The following RRAGA variants were observed in gnomAD, a reference collection of about 807,000 sequenced individuals.
The protein encoded by RRAGA is Ras related GTP binding A.
RRAGA carries 11 observed loss-of-function variants against 20.5 expected under a neutral mutation model. The observed-to-expected ratio is 0.54, with a 90% CI of 0.34 to 0.89. The LOEUF (loss-of-function observed/expected upper bound fraction) is 0.89. Ranked by LOEUF, RRAGA falls within the 40% of genes least tolerant of loss-of-function variation. The pLI is 0.02. For missense variants in RRAGA, 214 were observed against 400.7 expected (o/e 0.53, Z 3.98); for synonymous variants, 184 against 155.4 (o/e 1.18, Z -1.37).
At position 19,050,365 on chromosome 9, in the gene RRAGA, A is replaced by T; in HGVS notation, c.706A>T (p.Lys236Ter). 6.2e-7 allele frequency: 1 copy of T among 1,614,210 alleles called. No homozygotes were observed. The highest frequency in any genetic ancestry group is 1.3e-5 in the African/African-American group (1 of 75,076). ...HRFEKISNII[K>*]QFKLSCSKLA... ...GTTTGAGAAGATCAGCAACATCATC[A>T]AACAGTTCAAGCTGAGCTGCAGTAA... is the stretch of plus-strand genomic sequence containing the variant. Residue 236 changes from lysine to a stop codon, truncating the protein, a stop_gained, in exon 1 of 1, where the codon AAA becomes TAA. Transcript: ENST00000380527. LOFTEE classifies it high-confidence loss of function.
Position 19,050,212 on chromosome 9 carries a change from C to T in RRAGA, c.553C>T (p.Gln185Ter), listed in dbSNP as rs749821854. The change falls in exon 1 of 1, where the codon CAG becomes TAG. Residue 185 changes from glutamine (Q) to a stop codon, truncating the protein, a stop_gained. Transcript: ENST00000380527. LOFTEE classifies it high-confidence loss of function. The stretch of plus-strand genomic sequence containing the variant: ...CGTCTACCAGCTGATTCCCAACGTT[C>T]AGCAGCTGGAGATGAACCTCAGGAA... ...SIVYQLIPNV[Q>*]QLEMNLRNFA... 6.2e-7 allele frequency: 1 copy of T among 1,614,112 alleles called. No individual in the cohort carries two copies. Among genetic ancestry groups the T allele is most frequent in the Admixed American group, 1.7e-5 (1 of 60,030 alleles).
chr9:19,049,538 C>A lies in RRAGA; in HGVS notation c.-122C>A. ...TTCGCGCTCTCGACTCTCCTGCCTG[C>A]CCAGCTGCGCGGCGGAGCGGAGCGA... On this transcript the variant is annotated 5_prime_UTR_variant, in exon 1 of 1. Transcript: ENST00000380527. This position sits in a 1 kb window ranked among gnomAD's most constrained non-coding sequence, Gnocchi z 5.4. 1 of 735,418 alleles carries A rather than the reference C, an allele frequency of 1.4e-6. No individual in the cohort carries two copies. Among genetic ancestry groups the A allele is most frequent in the Non-Finnish European group, 2.2e-6 (1 of 465,054 alleles). The allele number at this position is 735,418 out of a possible 1,614,324, so 45.6% of individuals were successfully genotyped here.
rs958338694 is a variant in RRAGA, at chr9:19,049,479, G to C, written c.-181G>C. 4 of 534,118 alleles carry C rather than the reference G, an allele frequency of 7.5e-6. No homozygotes were observed. Among genetic ancestry groups the C allele is most frequent in the Admixed American group, 3.8e-5 (1 of 26,326 alleles). The allele number at this position is 534,118 out of a possible 1,614,324, so 33.1% of individuals were successfully genotyped here. ...GCCGCGGGCGCTCCCATCTGAGTAA[G>C]AGCCAGCCCGTCCGCGGCCTCTCCA... On this transcript the variant is annotated 5_prime_UTR_variant, in exon 1 of 1. Transcript: ENST00000380527. The surrounding 1 kb of genome is among the most constrained non-coding windows in gnomAD (Gnocchi z 5.4).
rs754331061 is a variant in RRAGA, at chr9:19,049,638, G to C, written c.-22G>C. On this transcript the variant is annotated 5_prime_UTR_variant, in exon 1 of 1. Coordinates refer to ENST00000380527, the MANE Select transcript of RRAGA (RefSeq NM_006570.5). This position sits in a 1 kb window ranked among gnomAD's most constrained non-coding sequence, Gnocchi z 5.4. ...CGTGTAGGCCGCGCCCTCAGGCCCA[G>C]TCCGCGGTGCCCCGGCGGGTGATGC... The C allele has an allele frequency of 1.3e-6, 2 of 1,587,938 alleles. No homozygotes were observed. The highest frequency in any genetic ancestry group is 2.3e-5 in the South Asian group (2 of 88,218).
Position 19,050,057 on chromosome 9 carries a change from A to T in RRAGA, c.398A>T (p.Gln133Leu). The change falls in exon 1 of 1, where the codon CAG becomes CTG. Residue 133 changes from glutamine to leucine, a missense_variant. Gln to Leu is a moderately radical substitution (Grantham distance 113, BLOSUM62 -2). Around this residue, in one of 4 missense-constraint regions of RRAGA, gnomAD observed 88 missense variants for 169.9 expected, o/e 0.52. Transcript: ENST00000380527. ...FCLVHKMDLV[Q>L]EDQRDLIFKE... Reference sequence around the variant, plus strand: ...CTGGTGCACAAAATGGATCTGGTTCAGGAGGATCAGCGTGACCTGATTTTT... The same window carrying T: ...CTGGTGCACAAAATGGATCTGGTTCTGGAGGATCAGCGTGACCTGATTTTT... 1.9e-6 allele frequency: 3 copies of T among 1,614,144 alleles called. No individual in the cohort carries two copies. Among genetic ancestry groups the T allele is most frequent in the Non-Finnish European group, 2.5e-6 (3 of 1,180,034 alleles).
At position 19,049,616 on chromosome 9, in the gene RRAGA, G is replaced by GTAGGCCGCGCCCTCAGGCC; in HGVS notation, c.-43_-25dup. On this transcript the variant is annotated 5_prime_UTR_variant, in exon 1 of 1. Coordinates refer to ENST00000380527, the MANE Select transcript of RRAGA (RefSeq NM_006570.5). This position sits in a 1 kb window ranked among gnomAD's most constrained non-coding sequence, Gnocchi z 5.4. ...CCCGACCCCTCCCTCGGCGCTGCGT[G>GTAGGCCGCGCCCTCAGGCC]TAGGCCGCGCCCTCAGGCCCAGTCC... 6.7e-7 allele frequency: 1 copy of GTAGGCCGCGCCCTCAGGCC among 1,489,116 alleles called. No homozygotes were observed. The highest frequency in any genetic ancestry group is 9.2e-7 in the Non-Finnish European group (1 of 1,091,634). The allele number at this position is 1,489,116 out of a possible 1,614,324, so 92.2% of individuals were successfully genotyped here.
chr9:19,050,583 C>T lies in RRAGA; in HGVS notation c.924C>T (p.His308=), dbSNP rs769512003. 1 of 1,614,142 alleles carries T rather than the reference C, an allele frequency of 6.2e-7. No homozygotes were observed. The highest frequency in any genetic ancestry group is 8.5e-7 in the Non-Finnish European group (1 of 1,179,992). The change falls in exon 1 of 1, where the codon CAC becomes CAT. Residue 308 remains histidine, a synonymous_variant. Transcript: ENST00000380527. The stretch of plus-strand genomic sequence containing the variant: ...TGGAGAGAGTGGATGGCCCCAAGCA[C>T]AGTCTCCTTATGCGTTGAATATTGC... ...EKLERVDGPK[H]SLLMR
chr9:19,050,233 A>C lies in RRAGA; in HGVS notation c.574A>C (p.Arg192=), dbSNP rs551186941. 6.2e-7 allele frequency: 1 copy of C among 1,614,106 alleles called. No individual in the cohort carries two copies. Among genetic ancestry groups the C allele is most frequent in the East Asian group, 2.2e-5 (1 of 44,886 alleles). ...PNVQQLEMNL[R]NFAQIIEADE... ...CGTTCAGCAGCTGGAGATGAACCTC[A>C]GGAATTTTGCCCAAATCATTGAGGC... Residue 192 remains arginine (R), a synonymous_variant, in exon 1 of 1, where the codon AGG becomes CGG. Coordinates refer to ENST00000380527, the MANE Select transcript of RRAGA (RefSeq NM_006570.5).
At position 19,050,667 on chromosome 9, in the gene RRAGA, T is replaced by C; in HGVS notation, c.*66T>C. ...TTTTGTTTGCATCCTTTATTTTTAA[T>C]ATTCATAATGTCGTGTGCTTAAAAG... On this transcript the variant is annotated 3_prime_UTR_variant, in exon 1 of 1. Transcript: ENST00000380527. 1 of 1,462,054 alleles carries C rather than the reference T, an allele frequency of 6.8e-7. No homozygotes were observed. Among genetic ancestry groups the C allele is most frequent in the Non-Finnish European group, 9.5e-7 (1 of 1,054,546 alleles). 90.6% of individuals were successfully genotyped at this position (1,462,054 alleles called of 1,614,324 possible).
chr9:19,049,590 CCCCGA>C lies in RRAGA; in HGVS notation c.-66_-62del. 4.1e-6 allele frequency: 5 copies of C among 1,234,016 alleles called. No individual in the cohort carries two copies. Among genetic ancestry groups the C allele is most frequent in the Non-Finnish European group, 5.6e-6 (5 of 889,524 alleles). The allele number at this position is 1,234,016 out of a possible 1,614,324, so 76.4% of individuals were successfully genotyped here. ...GCGCGGCCTGCGAGTCCCCGGCAGC[CCCCGA>C]CCCCTCCCTCGGCGCTGCGTGTAGG... On this transcript the variant is annotated 5_prime_UTR_variant, in exon 1 of 1. Coordinates refer to ENST00000380527, the MANE Select transcript of RRAGA (RefSeq NM_006570.5). The surrounding 1 kb of genome is among the most constrained non-coding windows in gnomAD (Gnocchi z 5.4).
In RRAGA at chr9:19,050,805, T is replaced by A. The variant is rs1588585679; in HGVS notation, c.*204T>A. The A allele has an allele frequency of 5.5e-5, 32 of 584,846 alleles. No individual in the cohort carries two copies. The South Asian group carries it at 6.8e-4, about 12-fold the overall frequency. 36.2% of individuals were successfully genotyped at this position (584,846 alleles called of 1,614,324 possible). A position where few individuals can be genotyped will look rare whatever the true frequency, so the allele number is the denominator to read the frequency against. ...CCCAGTAGAGCTTGAAGCTGACCTT[T>A]CTGAGAAGTTGGTATGGTGTAACAC... On this transcript the variant is annotated 3_prime_UTR_variant, in exon 1 of 1. Transcript: ENST00000380527.
Position 19,050,460 on chromosome 9 carries a change from C to G in RRAGA, c.801C>G (p.Thr267=), listed in dbSNP as rs374965789. ...SNFAAFIDIF[T]SNTYVMVVMS... Reference sequence around the variant, plus strand: ...TCGCTGCTTTCATCGACATCTTCACCTCAAATACGTACGTGATGGTGGTCA... The same window carrying G: ...TCGCTGCTTTCATCGACATCTTCACGTCAAATACGTACGTGATGGTGGTCA... Residue 267 remains threonine (T), a synonymous_variant, in exon 1 of 1, where the codon ACC becomes ACG. Coordinates refer to ENST00000380527, the MANE Select transcript of RRAGA (RefSeq NM_006570.5). 1.2e-6 allele frequency: 2 copies of G among 1,614,040 alleles called. No homozygotes were observed. The highest frequency in any genetic ancestry group is 1.3e-5 in the African/African-American group (1 of 74,898).
rs527602269 is a variant in RRAGA, at chr9:19,050,274, G to A, written c.615G>A (p.Leu205=). 6.2e-7 allele frequency: 1 copy of A among 1,614,164 alleles called. No individual in the cohort carries two copies. The highest frequency in any genetic ancestry group is 1.1e-5 in the South Asian group (1 of 91,078). The change falls in exon 1 of 1, where the codon CTG becomes CTA. Residue 205 remains leucine (L), a synonymous_variant. Transcript: ENST00000380527. ...TCATTGAGGCCGATGAAGTTCTGCT[G>A]TTCGAAAGAGCTACATTCTTGGTTA... is the stretch of plus-strand genomic sequence containing the variant. ...AQIIEADEVL[L]FERATFLVIS...
In RRAGA at chr9:19,049,562, G is replaced by T; in HGVS notation, c.-98G>T. ...GCCCAGCTGCGCGGCGGAGCGGAGC[G>T]AGGCGCGGCCTGCGAGTCCCCGGCA... On this transcript the variant is annotated 5_prime_UTR_variant, in exon 1 of 1. Transcript: ENST00000380527. The surrounding 1 kb of genome is among the most constrained non-coding windows in gnomAD (Gnocchi z 5.4). The T allele has an allele frequency of 2.3e-6, 2 of 885,780 alleles. No individual in the cohort carries two copies. The highest frequency in any genetic ancestry group is 3.4e-6 in the Non-Finnish European group (2 of 593,908). 54.9% of individuals were successfully genotyped at this position (885,780 alleles called of 1,614,324 possible).
At position 19,049,778 on chromosome 9, in the gene RRAGA, G is replaced by A. The variant is rs1836315239; in HGVS notation, c.119G>A (p.Gly40Glu). The A allele has an allele frequency of 6.2e-7, 1 of 1,614,054 alleles. No individual in the cohort carries two copies. Among genetic ancestry groups the A allele is most frequent in the Non-Finnish European group, 8.5e-7 (1 of 1,180,044 alleles). ...NYIARDTRRL[G>E]ATIDVEHSHV... ...ATTGCTCGCGACACCCGGCGCCTGG[G>A]GGCCACCATTGACGTGGAACACTCC... The change falls in exon 1 of 1, where the codon GGG (glycine) becomes GAG (glutamate). Residue 40 changes from glycine to glutamate, a missense_variant. Around this residue, in one of 4 missense-constraint regions of RRAGA, gnomAD observed 40 missense variants for 130.1 expected, o/e 0.31. Coordinates refer to ENST00000380527, the MANE Select transcript of RRAGA (RefSeq NM_006570.5). This position sits in a 1 kb window ranked among gnomAD's most constrained non-coding sequence, Gnocchi z 5.4.
rs1836312564 is a variant in RRAGA, at chr9:19,049,641, C to G, written c.-19C>G. On this transcript the variant is annotated 5_prime_UTR_variant, in exon 1 of 1. Coordinates refer to ENST00000380527, the MANE Select transcript of RRAGA (RefSeq NM_006570.5). The surrounding 1 kb of genome is among the most constrained non-coding windows in gnomAD (Gnocchi z 5.4). ...GTAGGCCGCGCCCTCAGGCCCAGTC[C>G]GCGGTGCCCCGGCGGGTGATGCCAA... 5 of 1,591,356 alleles carry G rather than the reference C, an allele frequency of 3.1e-6. No individual in the cohort carries two copies. The highest frequency in any genetic ancestry group is 4.3e-6 in the Non-Finnish European group (5 of 1,166,652).
rs763743551 is a variant in RRAGA, at chr9:19,049,693, C to T, written c.34C>T (p.Leu12=). ...PNTAMKKKVL[L]MGKSGSGKTS... ...TACAGCCATGAAGAAAAAGGTGCTGCTGATGGGGAAGAGCGGGTCGGGGAA... is the reference window on the plus strand; with the variant it reads ...TACAGCCATGAAGAAAAAGGTGCTGTTGATGGGGAAGAGCGGGTCGGGGAA... The change falls in exon 1 of 1, where the codon CTG becomes TTG. Residue 12 remains leucine (L), a synonymous_variant. Transcript: ENST00000380527. This position sits in a 1 kb window ranked among gnomAD's most constrained non-coding sequence, Gnocchi z 5.4. 16 of 1,613,866 alleles carry T rather than the reference C, an allele frequency of 9.9e-6. No individual in the cohort carries two copies. The highest frequency in any genetic ancestry group is 1.4e-5 in the Non-Finnish European group (16 of 1,179,898).
chr9:19,049,680 G>A lies in RRAGA; in HGVS notation c.21G>A (p.Lys7=). ...GGGTGATGCCAAATACAGCCATGAA[G>A]AAAAAGGTGCTGCTGATGGGGAAGA... MPNTAM[K]KKVLLMGKSG... Residue 7 remains lysine, a synonymous_variant, in exon 1 of 1, where the codon AAG becomes AAA. Transcript: ENST00000380527. The surrounding 1 kb of genome is among the most constrained non-coding windows in gnomAD (Gnocchi z 5.4). 1 of 1,613,858 alleles carries A rather than the reference G, an allele frequency of 6.2e-7. No individual in the cohort carries two copies.
chr9:19,050,808 G>C lies in RRAGA; in HGVS notation c.*207G>C. 1 of 580,790 alleles carries C rather than the reference G, an allele frequency of 1.7e-6. No homozygotes were observed. Among genetic ancestry groups the C allele is most frequent in the Non-Finnish European group, 3.1e-6 (1 of 320,386 alleles). The allele number at this position is 580,790 out of a possible 1,614,324, so 36.0% of individuals were successfully genotyped here. On this transcript the variant is annotated 3_prime_UTR_variant, in exon 1 of 1. Coordinates refer to ENST00000380527, the MANE Select transcript of RRAGA (RefSeq NM_006570.5). ...AGTAGAGCTTGAAGCTGACCTTTCT[G>C]AGAAGTTGGTATGGTGTAACACTAA...
Sources: gnomAD v4.1 joint callset for allele counts on GRCh38, gnomAD v4.1.1 for gene constraint, gnomAD v4.1.1 regional missense constraint, Gnocchi (gnomAD v3.1) non-coding constraint, MANE v1.5 for transcripts, NCBI Gene and HGNC (gene_info 2026-07-23, HGNC 2026-07-21) for gene names.